The following LYPLA1 variants were observed in gnomAD, a reference collection of about 807,000 sequenced individuals.
LYPLA1 encodes lysophospholipase 1.
LYPLA1 carries 17 observed loss-of-function variants against 34.0 expected under a neutral mutation model. The ratio of observed to expected loss-of-function variants is 0.50; its 90% CI spans 0.34 to 0.75. The LOEUF (loss-of-function observed/expected upper bound fraction) is 0.75, where lower values mean the gene tolerates loss of function less well. Among genes scored for constraint, LYPLA1 ranks in the 30% least tolerant of loss-of-function variants. The pLI, the probability that LYPLA1 is intolerant of heterozygous loss-of-function variation, is 0.01. For missense variants in LYPLA1, 203 were observed against 288.8 expected (o/e 0.70, Z 2.15); for synonymous variants, 98 against 100.8 (o/e 0.97, Z 0.17).
At chr8:54,091,867 C>A (rs1809304820) in intron 2 of LYPLA1, among the ~76,000 whole-genome samples, 1 of 152,144 alleles carries the variant, frequency 6.6e-6, no homozygotes, top group Admixed American at 6.5e-5. Context: ...GATGGGAAGA[C>A]AGTTTGAGCC....
At chr8:54,062,549 T>C (rs977753297) in intron 4 of LYPLA1, among the ~76,000 whole-genome samples, 2 of 151,776 alleles carry the variant, frequency 1.3e-5, no homozygotes, top group Non-Finnish European at 2.9e-5. Context: ...TCTCACTCTG[T>C]TGCTCAGGCT....
At chr8:54,076,239 A>G (rs1411618254) in intron 2 of LYPLA1, among the ~76,000 whole-genome samples, 1 of 152,080 alleles carries the variant, frequency 6.6e-6, no homozygotes, top group Admixed American at 6.5e-5. Flanking sequence ...TGCAAAATTA[A>G]AAGAACAAAT....
intron 2 of LYPLA1, among the ~76,000 whole-genome samples, chr8:54,092,188 G>GAGGAGGAGGAGGAGAAAGACGGAAGAGA (rs1809336290): frequency 6.6e-6 from 1 of 151,298 alleles, no homozygotes; most frequent in African/African-American, 2.4e-5. Flanking sequence ...AAGTCAGGGG[G>GAGGAGGAGGAGGAGAAAGACGGAAGAGA]AGGAGGAGGA....
In LYPLA1 at chr8:54,048,021, T is replaced by G; in HGVS notation, c.*44A>C. ...GCATGGGAAAAGGTTTACACTCTAC[T>G]ACAATGATGCTGGTGTACTTCTACA... On this transcript the variant is annotated 3_prime_UTR_variant, in exon 9 of 9. Transcript: ENST00000316963. The G allele has an allele frequency of 1.4e-6, 2 of 1,385,612 alleles. No homozygotes were observed. Among genetic ancestry groups the G allele is most frequent in the Non-Finnish European group, 2.0e-6 (2 of 976,112 alleles). 85.8% of individuals were successfully genotyped at this position (1,385,612 alleles called of 1,614,324 possible). A position where few individuals can be genotyped will look rare whatever the true frequency, so the allele number is the denominator to read the frequency against.
At chr8:54,093,100 T>C (rs377318702) in intron 2 of LYPLA1, among the ~76,000 whole-genome samples, 8 of 152,188 alleles carry the variant, frequency 5.3e-5, no homozygotes, top group East Asian at 3.8e-4. Flanking sequence ...AGGGTTGATA[T>C]AAGTCAGAGC....
intron 1 of LYPLA1, 134 bp downstream of exon 1, chr8:54,101,621 C>G: frequency 8.7e-7 from 1 of 1,146,860 alleles, no homozygotes; most frequent in East Asian, 3.9e-5. Context: ...GCGGACCATT[C>G]GCACCCCACC....
intron 6 of LYPLA1, chr8:54,052,959 T>G: frequency 2.0e-6 from 1 of 491,244 alleles, no homozygotes. Flanking sequence ...CATACAGACT[T>G]CCTTTCCGAC....
At chr8:54,068,304 C>G (rs1304051451) in intron 2 of LYPLA1, among the ~76,000 whole-genome samples, 2 of 152,110 alleles carry the variant, frequency 1.3e-5, no homozygotes, top group Admixed American at 1.3e-4. Context: ...TCAAATTGAT[C>G]TATGGAGTCA....
chr8:54,098,490 C>T (rs1809859600), intron 2 of LYPLA1, among the ~76,000 whole-genome samples: 1 of 152,142 alleles, frequency 6.6e-6, no homozygotes. Flanking sequence ...ACCACCCTGG[C>T]CAACATGGCA....
At chr8:54,081,594 C>G (rs932463892) in intron 2 of LYPLA1, among the ~76,000 whole-genome samples, 1 of 151,742 alleles carries the variant, frequency 6.6e-6, no homozygotes, top group Non-Finnish European at 1.5e-5. Flanking sequence ...ATTACAAGCG[C>G]GCCACCATGA....
intron 2 of LYPLA1, among the ~76,000 whole-genome samples, chr8:54,089,625 CCT>C (rs1476605812): frequency 8.6e-4 from 130 of 151,494 alleles, no homozygotes; most frequent in African/African-American, 2.8e-3. Flanking sequence ...TGTTTGCCAA[CCT>C]CTTTTTTTTT....
intron 7 of LYPLA1, among the ~76,000 whole-genome samples, chr8:54,051,731 G>C (rs543860203): frequency 2.1e-4 from 32 of 152,296 alleles, no homozygotes; most frequent in African/African-American, 7.0e-4. Flanking sequence ...TTACAGGCGT[G>C]AGCCACTGCA....
intron 2 of LYPLA1, among the ~76,000 whole-genome samples, chr8:54,084,142 A>AAAAAAT (rs1491176522): frequency 1.1e-5 from 1 of 93,876 alleles, no homozygotes; most frequent in African/African-American, 4.2e-5. Flanking sequence ...AAATAAATAA[A>AAAAAAT]TATATATATA....
At chr8:54,100,077 A>G (rs2129376356) in intron 2 of LYPLA1, 1 of 152,328 alleles carries the variant, frequency 6.6e-6, no homozygotes, top group African/African-American at 2.4e-5. Flanking sequence ...GCAATTTTTC[A>G]ACAACATTCA....
chr8:54,045,941 A>C (rs955670874), downstream of LYPLA1, among the ~76,000 whole-genome samples: 1 of 152,130 alleles, frequency 6.6e-6, no homozygotes, highest in African/African-American at 2.4e-5. Context: ...GGCTCCTGTA[A>C]TCCCAGCTAC....
chr8:54,084,567 T>A (rs1235423060), intron 2 of LYPLA1, among the ~76,000 whole-genome samples: 4 of 150,994 alleles, frequency 2.6e-5, no homozygotes, highest in Admixed American at 2.6e-4. Flanking sequence ...CGAGAGTCCA[T>A]CTCAAAAAAA....
chr8:54,090,761 C>T (rs1809173597), intron 2 of LYPLA1, among the ~76,000 whole-genome samples: 1 of 152,192 alleles, frequency 6.6e-6, no homozygotes, highest in Admixed American at 6.5e-5. Flanking sequence ...GGCTGCTGGC[C>T]AGATCCCACA....
At chr8:54,049,246 T>A (rs1649648902) in intron 8 of LYPLA1, among the ~76,000 whole-genome samples, 1 of 152,240 alleles carries the variant, frequency 6.6e-6, no homozygotes, top group African/African-American at 2.4e-5. Flanking sequence ...AATCAATTTT[T>A]ACTCTAGGTC....
intron 2 of LYPLA1, among the ~76,000 whole-genome samples, chr8:54,076,089 C>T (rs1425624852): frequency 6.6e-6 from 1 of 152,150 alleles, no homozygotes; most frequent in African/African-American, 2.4e-5. Context: ...AGTGGCACCT[C>T]AACCTCAAAT....
Sources: gnomAD v4.1 joint callset for allele counts (sites outside exome capture counted in the v4.1 genomes callset) on GRCh38, gnomAD v4.1.1 for gene constraint, MANE v1.5 for transcripts, NCBI Gene and HGNC (gene_info 2026-07-23, HGNC 2026-07-21) for gene names.